Variants in MSRA observed in about 807,000 individuals in gnomAD.
MSRA encodes mitochondrial peptide methionine sulfoxide reductase.
Under a neutral mutation model 31.3 loss-of-function variants are expected in MSRA, and 54 were observed. The ratio of observed to expected loss-of-function variants is 1.73; its 90% confidence interval spans 1.39 to 2.17. MSRA has a LOEUF of 2.17. MSRA is among the 30% of genes most tolerant of loss of function. MSRA has a pLI of 0.00. For synonymous variants in MSRA, 169 were observed against 116.5 expected (o/e 1.45, Z -2.90); for missense variants, 507 against 300.9 (o/e 1.69, Z -5.07).
At chr8:10,379,626 C>T (rs1805948480) in intron 5 of MSRA, among the ~76,000 whole-genome samples, 1 of 152,186 alleles carries the variant, frequency 6.6e-6, no homozygotes, top group Non-Finnish European at 1.5e-5. Flanking sequence ...CTCAGCTTGG[C>T]CAGCACACCC....
intron 4 of MSRA, among the ~76,000 whole-genome samples, chr8:10,319,628 A>G (rs1224127139): frequency 6.6e-6 from 1 of 151,588 alleles, no homozygotes; most frequent in Non-Finnish European, 1.5e-5. Context: ...AACATCTAGT[A>G]TGATCCAAGA....
chr8:10,235,561 A>C (rs1269418487), intron 2 of MSRA, among the ~76,000 whole-genome samples: 3 of 152,164 alleles, frequency 2.0e-5, no homozygotes, highest in Non-Finnish European at 4.4e-5. Flanking sequence ...TAGAAAACAG[A>C]AAGGAAAGAT....
chr8:10,281,154 G>C (rs1466013978), intron 3 of MSRA, among the ~76,000 whole-genome samples: 1 of 152,210 alleles, frequency 6.6e-6, no homozygotes, highest in African/African-American at 2.4e-5. Flanking sequence ...TGTATAGTAT[G>C]TGAATTTCAT....
intron 1 of MSRA, among the ~76,000 whole-genome samples, chr8:10,191,929 T>C (rs1011305072): frequency 2.6e-5 from 4 of 152,170 alleles, no homozygotes; most frequent in Non-Finnish European, 5.9e-5. Flanking sequence ...TAGGTCACGA[T>C]TGTGGGCATG....
At chr8:10,193,044 A>G (rs962413271) in intron 1 of MSRA, among the ~76,000 whole-genome samples, 1 of 152,220 alleles carries the variant, frequency 6.6e-6, no homozygotes, top group African/African-American at 2.4e-5. Context: ...CAGAAAATAG[A>G]GATTACTATA....
intron 1 of MSRA, among the ~76,000 whole-genome samples, chr8:10,155,355 A>G (rs979587262): frequency 1.3e-5 from 2 of 152,194 alleles, no homozygotes; most frequent in African/African-American, 4.8e-5. Flanking sequence ...AGTTGAAAGT[A>G]TCAGTATGAA....
At chr8:10,334,172 GTGTGTGTGTGTATTTA>G (rs1281296455) in intron 5 of MSRA, among the ~76,000 whole-genome samples, 1 of 109,944 alleles carries the variant, frequency 9.1e-6, no homozygotes, top group Non-Finnish European at 2.1e-5. Flanking sequence ...AGGGGTGTGT[GTGTGTGTGTGTATTTA>G]TGTGTGTGTG....
At chr8:10,197,427 C>T (rs935017708) in intron 1 of MSRA, among the ~76,000 whole-genome samples, 1 of 152,144 alleles carries the variant, frequency 6.6e-6, no homozygotes, top group Non-Finnish European at 1.5e-5. Context: ...TGGAGAGCTG[C>T]AGGCAGTGCT....
chr8:10,116,399 C>G (rs533090090), intron 1 of MSRA, among the ~76,000 whole-genome samples: 1 of 152,190 alleles, frequency 6.6e-6, no homozygotes, highest in Non-Finnish European at 1.5e-5. Context: ...ATAGTTCATT[C>G]TTTTCACATA....
chr8:10,165,699 G>C (rs554949258), intron 1 of MSRA, among the ~76,000 whole-genome samples: 23 of 152,326 alleles, frequency 1.5e-4, no homozygotes, highest in African/African-American at 5.3e-4. Context: ...AAGTGGGAGA[G>C]TATACACGTG....
chr8:10,054,835 C>A (rs946872835), intron 1 of MSRA, among the ~76,000 whole-genome samples, 177 bp downstream of exon 1: 34 of 152,184 alleles, frequency 2.2e-4, no homozygotes. Flanking sequence ...ACGCTGGGGT[C>A]CACTGACGTC....
At chr8:10,097,172 A>G (rs1449425265) in intron 1 of MSRA, among the ~76,000 whole-genome samples, 2 of 152,238 alleles carry the variant, frequency 1.3e-5, no homozygotes, top group African/African-American at 4.8e-5. Context: ...TAATATATAA[A>G]TATGATTGAA....
intron 2 of MSRA, among the ~76,000 whole-genome samples, chr8:10,217,968 C>A (rs1391917245): frequency 6.6e-6 from 1 of 151,906 alleles, no homozygotes; most frequent in African/African-American, 2.4e-5. Context: ...AATAATTCAG[C>A]CTGTCCTATT....
chr8:10,344,531 G>A (rs573132512), intron 5 of MSRA, among the ~76,000 whole-genome samples: 20 of 127,166 alleles, frequency 1.6e-4, no homozygotes, highest in Non-Finnish European at 2.3e-4. Context: ...CCGAGATTGC[G>A]CCACTGACAC....
intron 4 of MSRA, among the ~76,000 whole-genome samples, chr8:10,311,474 G>GC (rs560356835): frequency 6.6e-6 from 1 of 152,004 alleles, no homozygotes; most frequent in Non-Finnish European, 1.5e-5. Flanking sequence ...CCCACACCTG[G>GC]GGGGGCGCCT....
At chr8:10,264,497 C>G (rs145882695) in intron 3 of MSRA, among the ~76,000 whole-genome samples, 30 of 152,274 alleles carry the variant, frequency 2.0e-4, no homozygotes, top group African/African-American at 7.0e-4. Context: ...ACTTGTTTAT[C>G]AGAACGATGG....
Position 10,428,266 on chromosome 8 carries a change from G to A in MSRA, c.662G>A (p.Gly221Asp), listed in dbSNP as rs1809320096. ...AGCAAGAACCCCAATGGCTACTGCG[G>A]CCTTGGGGGCACCGGCGTGTCCTGC... ...YLSKNPNGYC[G>D]LGGTGVSCPV... is the part of the protein sequence containing the mutation. The change falls in exon 6 of 6, where the codon GGC becomes GAC. Residue 221 changes from glycine (G) to aspartate (D), a missense_variant. Transcript: ENST00000317173. 9 of 1,614,026 alleles carry A rather than the reference G, an allele frequency of 5.6e-6. No individual in the cohort carries two copies. The highest frequency in any genetic ancestry group is 1.7e-5 in the Admixed American group (1 of 60,000).
At chr8:10,082,302 G>C (rs1292401636) in intron 1 of MSRA, among the ~76,000 whole-genome samples, 2 of 152,096 alleles carry the variant, frequency 1.3e-5, no homozygotes, top group African/African-American at 4.8e-5. Context: ...TGAAGACTGG[G>C]GAAGGAGTGA....
chr8:10,340,884 C>G (rs1276101252), intron 5 of MSRA, among the ~76,000 whole-genome samples: 1 of 152,206 alleles, frequency 6.6e-6, no homozygotes, highest in Admixed American at 6.5e-5. Context: ...ACAGAAAGAA[C>G]AGTTCTTGTG....
Sources: gnomAD v4.1 joint callset for allele counts (sites outside exome capture counted in the v4.1 genomes callset) on GRCh38, gnomAD v4.1.1 for gene constraint, MANE v1.5 for transcripts, NCBI Gene and HGNC (gene_info 2026-07-23, HGNC 2026-07-21) for gene names.